ANO3: variants seen among roughly 807,000 people sequenced by gnomAD.
The protein encoded by ANO3 is anoctamin 3.
In ANO3, 99 loss-of-function variants were observed where a neutral mutation model predicts 144.8. That is an observed-to-expected ratio of 0.68 (90% confidence interval 0.58 to 0.81). The LOEUF (loss-of-function observed/expected upper bound fraction) is 0.81. ANO3 is among the 30% of genes least tolerant of loss of function. ANO3 has a pLI of 0.00. For synonymous variants in ANO3, 414 were observed against 392.6 expected (o/e 1.05, Z -0.64); for missense variants, 905 against 1,202.2 (o/e 0.75, Z 3.66).
chr11:26,599,296 C>A (rs1488931516), intron 16 of ANO3, among the ~76,000 whole-genome samples: 10 of 152,050 alleles, frequency 6.6e-5, no homozygotes, highest in Non-Finnish European at 1.0e-4. Flanking sequence ...AATGAGCATT[C>A]CATTTAAGAG....
chr11:26,332,680 C>T (rs1855087140), intron 1 of ANO3, among the ~76,000 whole-genome samples: 1 of 152,058 alleles, frequency 6.6e-6, no homozygotes, highest in South Asian at 2.1e-4. Flanking sequence ...TATCTGCCGT[C>T]TTCTGTGGTT....
intron 1 of ANO3, among the ~76,000 whole-genome samples, chr11:26,404,620 A>T (rs1563958): frequency 0.64 from 96,815 of 151,602 alleles, 33,642 homozygotes; most frequent in Admixed American, 0.78. Context: ...TGCTATTATT[A>T]TTCAGCTATA....
chr11:26,325,627 C>G (rs1481087521), intron 1 of ANO3, among the ~76,000 whole-genome samples: 1 of 152,154 alleles, frequency 6.6e-6, no homozygotes, highest in Non-Finnish European at 1.5e-5. Context: ...TTTTGTCAAG[C>G]TATTTGTCCC....
upstream of ANO3, among the ~76,000 whole-genome samples, chr11:26,328,469 G>A (rs1854947909): frequency 6.6e-6 from 1 of 152,172 alleles, no homozygotes. Context: ...ATGACCCAAA[G>A]AGGCAGAAAC....
Position 26,641,860 on chromosome 11 carries a change from A to T in ANO3, c.2142-36A>T, listed in dbSNP as rs377562989. On this transcript the variant is annotated intron_variant, in intron 21 of 26. Transcript: ENST00000256737. ...ACATTGTTAACCAGATGCTTGAATC[A>T]GAGCTCAAAAGTCCTTGGTCTGCTC... 6 of 1,602,448 alleles carry T rather than the reference A, an allele frequency of 3.7e-6. No individual in the cohort carries two copies. In the African/African-American group the frequency reaches 5.4e-5, roughly 14 times the overall value.
chr11:26,264,356 T>C (rs1392005416), intron 1 of ANO3, among the ~76,000 whole-genome samples: 2 of 152,170 alleles, frequency 1.3e-5, no homozygotes, highest in African/African-American at 4.8e-5. Flanking sequence ...GGTAAACAGT[T>C]TGGCACCAGA....
At chr11:26,624,556 GTCTGTAGTTACTTTATA>G in intron 18 of ANO3, 58 bp downstream of exon 18, 2 of 1,229,464 alleles carry the variant, frequency 1.6e-6, no homozygotes, top group Middle Eastern at 2.1e-4. Flanking sequence ...GGGCATTTCA[GTCTGTAGTTACTTTATA>G]TAATGTAGCA....
chr11:26,530,722 A>T (rs532940081), intron 7 of ANO3, among the ~76,000 whole-genome samples: 1 of 152,140 alleles, frequency 6.6e-6, no homozygotes, highest in East Asian at 1.9e-4. Flanking sequence ...TAAAAAAATT[A>T]GCTGGACTTG....
chr11:26,280,733 T>A (rs12291807), intron 1 of ANO3, among the ~76,000 whole-genome samples: 26,977 of 152,012 alleles, frequency 0.18, 2,645 homozygotes, highest in African/African-American at 0.27. Flanking sequence ...TGACAATATT[T>A]ACCATCACGC....
At chr11:26,309,759 T>G in intron 1 of ANO3, 1 of 947,852 alleles carries the variant, frequency 1.1e-6, no homozygotes, top group Non-Finnish European at 1.3e-6. Flanking sequence ...TCCCACCAAC[T>G]CTGTTCTTCA....
chr11:26,224,211 C>T (rs1156490109), intron 1 of ANO3, among the ~76,000 whole-genome samples: 1 of 152,168 alleles, frequency 6.6e-6, no homozygotes, highest in Non-Finnish European at 1.5e-5. Context: ...GGGGCACACA[C>T]CAAGTTCACC....
chr11:26,534,176 T>C (rs1849444516), intron 8 of ANO3, among the ~76,000 whole-genome samples: 1 of 152,356 alleles, frequency 6.6e-6, no homozygotes, highest in Admixed American at 6.5e-5. Context: ...CTTAAGGTAG[T>C]ATAAAATGTA....
intron 1 of ANO3, among the ~76,000 whole-genome samples, chr11:26,323,897 AG>A (rs1485470864): frequency 6.6e-6 from 1 of 152,172 alleles, no homozygotes; most frequent in Non-Finnish European, 1.5e-5. Context: ...CCATCTTACC[AG>A]CTCTGTGATA....
rs192464968 is a variant in ANO3 at position 26,614,105 on chromosome 11, C to T, written c.1837-10357C>T. 3.0e-4 allele frequency among the ~76,000 whole-genome samples: 46 copies of T among 152,276 alleles called. No homozygotes were observed. In the East Asian group the frequency reaches 5.0e-3, roughly 17 times the overall value. ...CTGGGGATACTGCTGCTGCAGGACC[C>T]GCTTTCAGGCTGTACATGAACATAT... On this transcript the variant is annotated intron_variant, in intron 17 of 26. Coordinates refer to ENST00000256737, the MANE Select transcript of ANO3 (RefSeq NM_031418.4).
intron 5 of ANO3, chr11:26,508,794 A>G (rs926908883): frequency 6.6e-6 from 1 of 152,086 alleles, no homozygotes; most frequent in Admixed American, 6.6e-5. Context: ...TTAAAAAAAA[A>G]CTCACTATTT....
chr11:26,256,734 TA>T (rs1836634096), intron 1 of ANO3, among the ~76,000 whole-genome samples: 1 of 152,174 alleles, frequency 6.6e-6, no homozygotes, highest in Non-Finnish European at 1.5e-5. Context: ...TAAGCTATTT[TA>T]TTTTTCTGCC....
rs528359040 is a variant in ANO3 at position 26,464,282 on chromosome 11, T to G, written c.432+1134T>G. ...TTAAGTTATCTTTGCAAATCAGGTG[T>G]TTATCTTTCTATGGTTACTAAATCT... On this transcript the variant is annotated intron_variant, in intron 4 of 26. Coordinates refer to ENST00000256737, the MANE Select transcript of ANO3 (RefSeq NM_031418.4). 3.9e-5 allele frequency among the ~76,000 whole-genome samples: 6 copies of G among 151,942 alleles called. 1 individual carries two copies. Among genetic ancestry groups the G allele is most frequent in the African/African-American group, 1.2e-4 (5 of 41,522 alleles).
At chr11:26,289,555 T>C (rs1386220690) in intron 1 of ANO3, among the ~76,000 whole-genome samples, 1 of 121,574 alleles carries the variant, frequency 8.2e-6, no homozygotes, top group Non-Finnish European at 1.6e-5. Flanking sequence ...TCTATATGTG[T>C]GTATATGTAC....
Position 26,442,000 on chromosome 11 carries a change from C to T in ANO3, c.129C>T (p.Ser43=). 1 of 1,614,150 alleles carries T rather than the reference C, an allele frequency of 6.2e-7. No individual in the cohort carries two copies. The change falls in exon 2 of 27, where the codon AGC becomes AGT. Residue 43 remains serine, a synonymous_variant. Transcript: ENST00000256737. ...SRRSLPCLAQ[S]YAYSKSLSQS... ...GATCCCTGCCTTGCCTCGCCCAGAG[C>T]TACGCTTACTCAAAGAGCTTGAGCC...
Sources: gnomAD v4.1 joint callset for allele counts (sites outside exome capture counted in the v4.1 genomes callset) on GRCh38, gnomAD v4.1.1 for gene constraint, MANE v1.5 for transcripts, NCBI Gene and HGNC (gene_info 2026-07-23, HGNC 2026-07-21) for gene names.